BCL11B: variants seen among roughly 807,000 people sequenced by gnomAD.
BCL11B encodes the protein B-cell lymphoma/leukemia 11B.
BCL11B carries 8 observed loss-of-function variants against 49.9 expected under a neutral mutation model. That is an observed-to-expected ratio of 0.16 (90% CI 0.09 to 0.29). The LOEUF (loss-of-function observed/expected upper bound fraction) is 0.29, where lower values mean the gene tolerates loss of function less well. Among genes scored for constraint, BCL11B ranks in the 10% least tolerant of loss-of-function variants. BCL11B has a pLI of 1.00. For synonymous variants in BCL11B, 739 were observed against 637.4 expected (o/e 1.16, Z -2.40); for missense variants, 1,006 against 1,351.0 (o/e 0.74, Z 4.00).
chr14:99,270,726 G>A lies in BCL11B; in HGVS notation c.58+435C>T, dbSNP rs972926116. On this transcript the variant is annotated intron_variant, in intron 1 of 3. Coordinates refer to ENST00000357195, the MANE Select transcript of BCL11B (RefSeq NM_138576.4). ...GCCGTCAGCGCGGACCCACGCGCTCGCCAACTTTTCCCCACTTCCCGGCTC... is the reference window on the plus strand; with the variant it reads ...GCCGTCAGCGCGGACCCACGCGCTCACCAACTTTTCCCCACTTCCCGGCTC... 4.6e-5 allele frequency among the ~76,000 whole-genome samples: 7 copies of A among 150,880 alleles called. No homozygotes were observed. In the East Asian group the frequency reaches 1.4e-3, roughly 30 times the overall value.
At chr14:99,236,581 G>T (rs1485051075) in intron 2 of BCL11B, among the ~76,000 whole-genome samples, 1 of 152,156 alleles carries the variant, frequency 6.6e-6, no homozygotes, top group Non-Finnish European at 1.5e-5. Context: ...GGCTGGTCCA[G>T]AGGGAACCCT....
intron 1 of BCL11B, chr14:99,264,774 C>A (rs1022748102): frequency 4.6e-5 from 7 of 152,236 alleles, no homozygotes; most frequent in African/African-American, 1.7e-4. Context: ...TCTGCTCACC[C>A]TCCTCACTGG....
intron 3 of BCL11B, among the ~76,000 whole-genome samples, chr14:99,183,575 C>T (rs199646734): frequency 1.3e-5 from 2 of 152,240 alleles, no homozygotes; most frequent in East Asian, 3.9e-4. Flanking sequence ...CACAGGGCTT[C>T]AGGGTCCTCA....
chr14:99,245,776 C>T (rs1282452234), intron 2 of BCL11B, among the ~76,000 whole-genome samples: 2 of 152,146 alleles, frequency 1.3e-5, no homozygotes, highest in East Asian at 3.9e-4. Context: ...GAGGAGGCGA[C>T]TGGTGGAGGA....
intron 3 of BCL11B, among the ~76,000 whole-genome samples, chr14:99,225,506 C>T (rs1888134091): frequency 6.6e-6 from 1 of 152,202 alleles, no homozygotes. Flanking sequence ...TGCTTCTTCA[C>T]ATCCACTAAC....
intron 3 of BCL11B, among the ~76,000 whole-genome samples, chr14:99,178,462 C>T (rs920394540): frequency 6.6e-6 from 1 of 152,186 alleles, no homozygotes; most frequent in South Asian, 2.1e-4. Context: ...CCTGGGTGGC[C>T]GCGATTCTCC....
At chr14:99,198,661 C>G (rs1296245506) in intron 3 of BCL11B, among the ~76,000 whole-genome samples, 2 of 152,124 alleles carry the variant, frequency 1.3e-5, no homozygotes, top group Non-Finnish European at 2.9e-5. Context: ...CATTCTCAGC[C>G]ATACCCCCAG....
Position 99,192,763 on chromosome 14 carries a change from A to G in BCL11B, c.641-16568T>C, listed in dbSNP as rs186074470. 6.6e-6 allele frequency among the ~76,000 whole-genome samples: 1 copy of G among 152,194 alleles called. No individual in the cohort carries two copies. The highest frequency in any genetic ancestry group is 6.5e-5 in the Admixed American group (1 of 15,284). ...AGTTCCTTATCCATAAATGCGAGTGACACCTGTATTGAGGATGTGGAAAGA... is the reference window on the plus strand; with the variant it reads ...AGTTCCTTATCCATAAATGCGAGTGGCACCTGTATTGAGGATGTGGAAAGA... On this transcript the variant is annotated intron_variant, in intron 3 of 3. Coordinates refer to ENST00000357195, the MANE Select transcript of BCL11B (RefSeq NM_138576.4). The surrounding 1 kb of genome is among the most constrained non-coding windows in gnomAD (Gnocchi z 4.0).
chr14:99,210,850 T>C (rs985392147), intron 3 of BCL11B, among the ~76,000 whole-genome samples: 5 of 152,168 alleles, frequency 3.3e-5, no homozygotes, highest in African/African-American at 1.2e-4. Context: ...CTGACTTAGC[T>C]GCACTTGGGG....
At chr14:99,212,450 C>T (rs558732236) in intron 3 of BCL11B, among the ~76,000 whole-genome samples, 4 of 152,296 alleles carry the variant, frequency 2.6e-5, no homozygotes, top group South Asian at 2.1e-4. Flanking sequence ...CTTCATTTCA[C>T]TTGATTTCAC....
rs945849989 is a variant in BCL11B, at chr14:99,205,329, G to C, written c.640+26016C>G. ...GCATCCGGGGACAGTCCCTAACTGAGACGGCCCAGGCCAGCAGGGCCAGTG... is the reference window on the plus strand; with the variant it reads ...GCATCCGGGGACAGTCCCTAACTGACACGGCCCAGGCCAGCAGGGCCAGTG... On this transcript the variant is annotated intron_variant, in intron 3 of 3. Transcript: ENST00000357195. This position sits in a 1 kb window ranked among gnomAD's most constrained non-coding sequence, Gnocchi z 5.0. Among the ~76,000 whole-genome samples the C allele has an allele frequency of 6.6e-6, 1 of 152,180 alleles. No individual in the cohort carries two copies. Among genetic ancestry groups the C allele is most frequent in the African/African-American group, 2.4e-5 (1 of 41,436 alleles).
chr14:99,269,848 C>T (rs1485881768), intron 1 of BCL11B, among the ~76,000 whole-genome samples: 2 of 128,284 alleles, frequency 1.6e-5, no homozygotes, highest in Admixed American at 1.8e-4. Context: ...CGATGGCACC[C>T]AGAGGATGTT....
intron 1 of BCL11B, among the ~76,000 whole-genome samples, chr14:99,260,229 T>C (rs1889296644): frequency 6.6e-6 from 1 of 152,188 alleles, no homozygotes. Context: ...CGAGGTGCGG[T>C]ACCTGGTACT....
At chr14:99,214,333 A>G (rs1314687604) in intron 3 of BCL11B, among the ~76,000 whole-genome samples, 1 of 152,158 alleles carries the variant, frequency 6.6e-6, no homozygotes, top group African/African-American at 2.4e-5. Flanking sequence ...AGAGAGGATC[A>G]TTTGAGGCCA....
At position 99,171,224 on chromosome 14, in the gene BCL11B, G is replaced by A. The variant is rs548942519; in HGVS notation, c.*2927C>T. The A allele has an allele frequency of 1.3e-5, 3 of 227,750 alleles. No homozygotes were observed. Among genetic ancestry groups the A allele is most frequent in the East Asian group, 1.3e-4 (2 of 15,848 alleles). 14.1% of individuals were successfully genotyped at this position (227,750 alleles called of 1,614,324 possible). A position where few individuals can be genotyped will look rare whatever the true frequency, so the allele number is the denominator to read the frequency against. On this transcript the variant is annotated 3_prime_UTR_variant, in exon 4 of 4. Transcript: ENST00000357195. ...ACGGTTCTCTGTGTAGGCCAATTCCGACAAAAAATATATACAACTAAATGA... is the reference window on the plus strand; with the variant it reads ...ACGGTTCTCTGTGTAGGCCAATTCCAACAAAAAATATATACAACTAAATGA...
At position 99,173,824 on chromosome 14, in the gene BCL11B, G is replaced by A; in HGVS notation, c.*327C>T. On this transcript the variant is annotated 3_prime_UTR_variant, in exon 4 of 4. Transcript: ENST00000357195. ...CCGGGTTAAAAAAAAAACAAAGAAG[G>A]GATGGATACCCAACAAAATCTCTTA... is the stretch of plus-strand genomic sequence containing the variant. 2.9e-6 allele frequency: 1 copy of A among 350,312 alleles called. No individual in the cohort carries two copies. Among genetic ancestry groups the A allele is most frequent in the African/African-American group, 2.1e-5 (1 of 47,544 alleles). The allele number at this position is 350,312 out of a possible 1,614,324, so 21.7% of individuals were successfully genotyped here.
Position 99,231,996 on chromosome 14 carries a change from G to A in BCL11B, c.428-439C>T, listed in dbSNP as rs542705601. Among the ~76,000 whole-genome samples, 83 of 152,246 alleles carry A rather than the reference G, an allele frequency of 5.5e-4. No individual in the cohort carries two copies. The highest frequency in any genetic ancestry group is 9.9e-4 in the Non-Finnish European group (67 of 67,982). On this transcript the variant is annotated intron_variant, in intron 2 of 3. Coordinates refer to ENST00000357195, the MANE Select transcript of BCL11B (RefSeq NM_138576.4). This position sits in a 1 kb window ranked among gnomAD's most constrained non-coding sequence, Gnocchi z 8.1. ...GGGAAGCTCACAGCCTCCCCTGTTT[G>A]CTGTATCAGGATGGGCTGTTCCTAC...
chr14:99,180,747 A>G (rs896551825), intron 3 of BCL11B, among the ~76,000 whole-genome samples: 2 of 152,164 alleles, frequency 1.3e-5, no homozygotes, highest in Non-Finnish European at 2.9e-5. Flanking sequence ...GTACCTGGTC[A>G]TGGATGTTTC....
chr14:99,266,784 T>G (rs1425388147), intron 1 of BCL11B, among the ~76,000 whole-genome samples: 1 of 152,178 alleles, frequency 6.6e-6, no homozygotes, highest in African/African-American at 2.4e-5. Context: ...CAGCTTGCCA[T>G]CAACCAAAAG....
Sources: allele counts gnomAD v4.1 joint callset (sites outside exome capture counted in the v4.1 genomes callset), GRCh38; gene constraint gnomAD v4.1.1; non-coding constraint Gnocchi (gnomAD v3.1); transcripts MANE v1.5; gene names NCBI Gene and HGNC (gene_info 2026-07-23, HGNC 2026-07-21).